The following IL12RB2 variants were observed in gnomAD, a reference collection of about 807,000 sequenced individuals.
IL12RB2 encodes the protein interleukin 12 receptor subunit beta 2, also known as interleukin-12 receptor subunit beta-2.
IL12RB2 carries 82 observed loss-of-function variants against 89.4 expected under a neutral mutation model. The ratio of observed to expected loss-of-function variants is 0.92; its 90% CI spans 0.77 to 1.10. The LOEUF is 1.10. IL12RB2 is among the 50% of genes least tolerant of loss of function. IL12RB2 has a pLI of 0.00. For missense variants in IL12RB2, 963 were observed against 1,031.9 expected, an observed-to-expected ratio of 0.93 and a Z score of 0.92; for synonymous variants, 368 against 370.1, an observed-to-expected ratio of 0.99 and a Z score of 0.07.
At chr1:67,372,846 G>A in intron 13 of IL12RB2, 63 bp downstream of exon 13, 2 of 1,108,226 alleles carry the variant, frequency 1.8e-6, no homozygotes, top group East Asian at 2.4e-5. Context: ...GAAAACACAA[G>A]GAGGTGTGTG....
intron 13 of IL12RB2, among the ~76,000 whole-genome samples, chr1:67,379,569 T>G (rs1335581313): frequency 6.6e-6 from 1 of 150,822 alleles, no homozygotes; most frequent in Non-Finnish European, 1.5e-5. Context: ...AATTTAACAT[T>G]TCTCCTCCAG....
chr1:67,388,114 G>A lies in IL12RB2; in HGVS notation c.1946+1445G>A, dbSNP rs140686269. ...ATCACCTGAACAGGAGGCAGAGGTT[G>A]TAGTAAGTTGAGATTGCGCCACTGC... On this transcript the variant is annotated intron_variant, in intron 15 of 16. Coordinates refer to ENST00000674203, the MANE Select transcript of IL12RB2 (RefSeq NM_001374259.2). Among the ~76,000 whole-genome samples, 388 of 152,260 alleles carry A rather than the reference G, an allele frequency of 2.5e-3. 2 individuals carry two copies. Among genetic ancestry groups the A allele is most frequent in the African/African-American group, 9.2e-3 (381 of 41,550 alleles).
chr1:67,390,065 G>A lies in IL12RB2; in HGVS notation c.1983G>A (p.Trp661Ter). ...FVLLAALRPQWCSREIPDPAN... is the reference protein window; with the variant it reads ...FVLLAALRPQ ...TCCTAGCAGCCCTCAGACCTCAGTG[G>A]TGTAGCAGAGAAATTCCAGATCCAG... Residue 661 changes from tryptophan to a stop codon, truncating the protein, a stop_gained, in exon 16 of 17, where the codon TGG becomes TGA. Coordinates refer to ENST00000674203, the MANE Select transcript of IL12RB2 (RefSeq NM_001374259.2). LOFTEE classifies it high-confidence loss of function. 1 of 1,389,206 alleles carries A rather than the reference G, an allele frequency of 7.2e-7. No homozygotes were observed. 86.1% of individuals were successfully genotyped at this position (1,389,206 alleles called of 1,614,324 possible). A position where few individuals can be genotyped will look rare whatever the true frequency, so the allele number is the denominator to read the frequency against.
At chr1:67,383,428 A>G (rs1022327918) in intron 14 of IL12RB2, among the ~76,000 whole-genome samples, 4 of 152,150 alleles carry the variant, frequency 2.6e-5, no homozygotes, top group Non-Finnish European at 5.9e-5. Context: ...TTCAAAACAC[A>G]ATCATGCATT....
Position 67,329,579 on chromosome 1 carries a change from G to A in IL12RB2, c.665-8G>A. On this transcript the variant is annotated splice_polypyrimidine_tract_variant and splice_region_variant and intron_variant, in intron 6 of 16. Transcript: ENST00000674203. Reference sequence around the variant, plus strand: ...GAACCACACTTTTTTGTTTGTCCTGGTTACTAGTGAGGCCTCTTCCTCCGT... The same window carrying A: ...GAACCACACTTTTTTGTTTGTCCTGATTACTAGTGAGGCCTCTTCCTCCGT... 1 of 1,557,454 alleles carries A rather than the reference G, an allele frequency of 6.4e-7. No homozygotes were observed.
chr1:67,328,002 C>T (rs1433946160), intron 5 of IL12RB2, among the ~76,000 whole-genome samples, 198 bp from the exon 6 acceptor site: 1 of 151,980 alleles, frequency 6.6e-6, no homozygotes, highest in Non-Finnish European at 1.5e-5. Flanking sequence ...TCAGTTCTAC[C>T]AAAAAAGGGA....
At chr1:67,369,883 G>A (rs534963881) in intron 11 of IL12RB2, among the ~76,000 whole-genome samples, 3 of 152,094 alleles carry the variant, frequency 2.0e-5, no homozygotes, top group East Asian at 3.9e-4. Context: ...TTAGCTGGGC[G>A]TGGTGGTGGG....
chr1:67,360,167 T>A lies in IL12RB2; in HGVS notation c.1259-7658T>A, dbSNP rs186302584. Among the ~76,000 whole-genome samples, 15 of 152,092 alleles carry A rather than the reference T, an allele frequency of 9.9e-5. No homozygotes were observed. The East Asian group carries it at 2.7e-3, about 28-fold the overall frequency. On this transcript the variant is annotated intron_variant, in intron 10 of 16. Coordinates refer to ENST00000674203, the MANE Select transcript of IL12RB2 (RefSeq NM_001374259.2). ...CTGTAATCCCAACACTTTGGGAGGC[T>A]GAGGCAGGTGGATCACTAGAGGTCA...
intron 9 of IL12RB2, among the ~76,000 whole-genome samples, chr1:67,347,437 A>C (rs1660361967): frequency 6.6e-6 from 1 of 152,200 alleles, no homozygotes. Context: ...CCTCCAATAG[A>C]TCTTTAATTA....
At chr1:67,324,719 T>A (rs1475966286) in intron 4 of IL12RB2, among the ~76,000 whole-genome samples, 3 of 152,198 alleles carry the variant, frequency 2.0e-5, no homozygotes, top group Non-Finnish European at 2.9e-5. Context: ...GTGGAGTCTC[T>A]GAGAAAAGAG....
intron 16 of IL12RB2, among the ~76,000 whole-genome samples, chr1:67,393,760 G>C (rs532142365): frequency 6.6e-6 from 1 of 152,292 alleles, no homozygotes; most frequent in Admixed American, 6.5e-5. Flanking sequence ...TGCACAACTT[G>C]TCATTGGACA....
At chr1:67,316,399 C>T (rs899262396) in intron 2 of IL12RB2, among the ~76,000 whole-genome samples, 2 of 147,198 alleles carry the variant, frequency 1.4e-5, no homozygotes, top group African/African-American at 5.0e-5. Context: ...GGTCTGCCTG[C>T]ATCCACCCTA....
intron 8 of IL12RB2, among the ~76,000 whole-genome samples, chr1:67,331,710 G>A (rs1026056827): frequency 6.6e-6 from 1 of 151,996 alleles, no homozygotes; most frequent in Non-Finnish European, 1.5e-5. Context: ...ATCGTGGTGC[G>A]TGCCTGTAAT....
chr1:67,371,428 A>G (rs1663291251), intron 11 of IL12RB2, among the ~76,000 whole-genome samples: 1 of 151,522 alleles, frequency 6.6e-6, no homozygotes, highest in South Asian at 2.1e-4. Context: ...AAAAAAAAAA[A>G]GTTAAACCCT....
intron 10 of IL12RB2, among the ~76,000 whole-genome samples, chr1:67,365,731 CT>C (rs1662597559): frequency 6.6e-6 from 1 of 151,490 alleles, no homozygotes; most frequent in African/African-American, 2.4e-5. Context: ...TATTCTCCCC[CT>C]GAAAAAAAAA....
upstream of IL12RB2, chr1:67,307,779 C>T (rs1361746302): frequency 6.6e-6 from 1 of 152,212 alleles, no homozygotes; most frequent in African/African-American, 2.4e-5. Flanking sequence ...CACTCGCCGC[C>T]AGCTCCCCGC....
At chr1:67,325,339 C>T (rs905701242) in intron 4 of IL12RB2, among the ~76,000 whole-genome samples, 7 of 152,200 alleles carry the variant, frequency 4.6e-5, no homozygotes, top group Non-Finnish European at 8.8e-5. Context: ...CTCAGCTCGT[C>T]GCAACCTCTA....
At chr1:67,394,976 T>C (rs938858566) in intron 16 of IL12RB2, among the ~76,000 whole-genome samples, 3 of 152,098 alleles carry the variant, frequency 2.0e-5, no homozygotes, top group Admixed American at 6.5e-5. Context: ...TTGGTTCACA[T>C]TAGAAACGGG....
rs756338964 is a variant in IL12RB2, at chr1:67,321,835, GC to G, written c.312del (p.Cys105ValfsTer57). The G allele has an allele frequency of 1.2e-6, 2 of 1,613,646 alleles. No homozygotes were observed. The highest frequency in any genetic ancestry group is 4.5e-5 in the East Asian group (2 of 44,876). On this transcript the variant is annotated frameshift_variant, in exon 4 of 17. Coordinates refer to ENST00000674203, the MANE Select transcript of IL12RB2 (RefSeq NM_001374259.2). LOFTEE classifies it high-confidence loss of function. ...LGTTLFVCKL[A>X]CINSDEIQIC... ...TACAACCTTGTTTGTCTGCAAACTG[GC>G]CTGTATCAATAGTGATGAAATTCAA...
Sources: gnomAD v4.1 joint callset for allele counts (sites outside exome capture counted in the v4.1 genomes callset) on GRCh38, gnomAD v4.1.1 for gene constraint, MANE v1.5 for transcripts, NCBI Gene and HGNC (gene_info 2026-07-23, HGNC 2026-07-21) for gene names.